TRDN: variants seen among roughly 807,000 people sequenced by gnomAD.
TRDN encodes triadin.
In TRDN, 161 loss-of-function variants were observed where a neutral mutation model predicts 149.7. That is an observed-to-expected ratio of 1.08 (90% confidence interval 0.95 to 1.23). The LOEUF (loss-of-function observed/expected upper bound fraction) is 1.23, where lower values mean the gene tolerates loss of function less well. TRDN is among the 50% of genes most tolerant of loss of function. The pLI, the probability that TRDN is intolerant of heterozygous loss-of-function variation, is 0.00. For missense variants in TRDN, 896 were observed against 823.5 expected (o/e 1.09, Z -1.08); for synonymous variants, 294 against 250.5 (o/e 1.17, Z -1.64).
chr6:123,545,376 A>G (rs1781060834), intron 4 of TRDN, among the ~76,000 whole-genome samples: 1 of 151,932 alleles, frequency 6.6e-6, no homozygotes, highest in South Asian at 2.1e-4. Flanking sequence ...GTTTTATAAA[A>G]TATTACCTAC....
At chr6:123,584,020 G>A (rs4535562) in intron 1 of TRDN, 3,534 of 160,632 alleles carry the variant, frequency 0.022, 127 homozygotes, top group African/African-American at 0.076. Flanking sequence ...GGTGTGTGGC[G>A]ATTAGGCCTA....
chr6:123,478,591 A>G lies in TRDN; in HGVS notation c.854-13608T>C, dbSNP rs1004462990. Among the ~76,000 whole-genome samples, 3 of 152,330 alleles carry G rather than the reference A, an allele frequency of 2.0e-5. No individual in the cohort carries two copies. The East Asian group carries it at 5.8e-4, about 29-fold the overall frequency. On this transcript the variant is annotated intron_variant, in intron 9 of 40. Coordinates refer to ENST00000334268, the MANE Select transcript of TRDN (RefSeq NM_006073.4). ...ATACGAATTGCGTTTTTATTTTAGT[A>G]CAAAGACCAAAGCTGATAGGGAAAG...
At chr6:123,597,879 G>C (rs776461022) in intron 1 of TRDN, among the ~76,000 whole-genome samples, 27 of 152,076 alleles carry the variant, frequency 1.8e-4, no homozygotes, top group Non-Finnish European at 3.8e-4. Context: ...AGTGTGATTT[G>C]TTTTAATGAG....
At chr6:123,249,179 A>G (rs1191957668) in intron 38 of TRDN, among the ~76,000 whole-genome samples, 1 of 152,136 alleles carries the variant, frequency 6.6e-6, no homozygotes, top group Non-Finnish European at 1.5e-5. Flanking sequence ...GCCAACAAAC[A>G]TATGAAAACA....
intron 24 of TRDN, among the ~76,000 whole-genome samples, chr6:123,286,358 G>A (rs566206457): frequency 2.0e-4 from 30 of 152,122 alleles, no homozygotes; most frequent in Non-Finnish European, 3.8e-4. Flanking sequence ...AAAAAGGAAC[G>A]AATTAATGAC....
At chr6:123,619,745 T>A (rs1227598633) in intron 1 of TRDN, among the ~76,000 whole-genome samples, 2 of 150,334 alleles carry the variant, frequency 1.3e-5, no homozygotes, top group Admixed American at 1.3e-4. Context: ...ATAACAGGAG[T>A]TTAAATTAGA....
chr6:123,393,889 A>T (rs1772610601), intron 12 of TRDN, among the ~76,000 whole-genome samples: 1 of 152,186 alleles, frequency 6.6e-6, no homozygotes, highest in African/African-American at 2.4e-5. Flanking sequence ...AAATCATAAG[A>T]TAAAGATTCC....
At chr6:123,389,896 C>T (rs1027598047) in intron 13 of TRDN, among the ~76,000 whole-genome samples, 1 of 151,974 alleles carries the variant, frequency 6.6e-6, no homozygotes, top group Non-Finnish European at 1.5e-5. Flanking sequence ...ATGGACATGG[C>T]CTGATGAATT....
intron 20 of TRDN, among the ~76,000 whole-genome samples, chr6:123,357,788 G>C (rs1407653489): frequency 6.6e-6 from 1 of 152,134 alleles, no homozygotes; most frequent in East Asian, 1.9e-4. Flanking sequence ...CAACTGAAGT[G>C]TGACTTACAT....
In TRDN at chr6:123,251,472, C is replaced by T. The variant is rs76270228; in HGVS notation, c.1975+940G>A. Among the ~76,000 whole-genome samples, 487 of 151,894 alleles carry T rather than the reference C, an allele frequency of 3.2e-3. 19 individuals are homozygous for T. The East Asian group carries it at 0.08, about 25-fold the overall frequency. ...CTATATTGATTATATATTGAAATAA[C>T]ATTTGTATAAAATAAGTTACATAAA... On this transcript the variant is annotated intron_variant, in intron 38 of 40. Coordinates refer to ENST00000334268, the MANE Select transcript of TRDN (RefSeq NM_006073.4).
At chr6:123,424,874 T>C (rs1161859826) in intron 12 of TRDN, among the ~76,000 whole-genome samples, 2 of 152,142 alleles carry the variant, frequency 1.3e-5, no homozygotes, top group East Asian at 1.9e-4. Context: ...CCTGGGTGCC[T>C]AAGTGGCTAT....
chr6:123,354,777 A>G (rs1780595723), intron 20 of TRDN, among the ~76,000 whole-genome samples: 1 of 151,784 alleles, frequency 6.6e-6, no homozygotes, highest in Admixed American at 6.6e-5. Flanking sequence ...ATTTGAAGAG[A>G]TAATAGCTAG....
At chr6:123,392,686 T>C (rs924229017) in intron 13 of TRDN, among the ~76,000 whole-genome samples, 2 of 152,072 alleles carry the variant, frequency 1.3e-5, no homozygotes, top group African/African-American at 4.8e-5. Context: ...CATTCTAGCT[T>C]ATTTTGCTCA....
chr6:123,503,436 A>T (rs1019805504), intron 8 of TRDN: 1 of 985,328 alleles, frequency 1.0e-6, no homozygotes, highest in Admixed American at 6.2e-5. Context: ...TCAAAAATTC[A>T]ACATTTATCC....
intron 21 of TRDN, among the ~76,000 whole-genome samples, chr6:123,347,730 T>C (rs1216307046): frequency 6.6e-6 from 1 of 151,986 alleles, no homozygotes. Context: ...GTCTTACAAG[T>C]GAGAATTGAA....
chr6:123,446,250 T>C (rs1432429844), intron 10 of TRDN, among the ~76,000 whole-genome samples: 1 of 126,648 alleles, frequency 7.9e-6, no homozygotes, highest in Non-Finnish European at 1.7e-5. Flanking sequence ...GTGGGGGGAG[T>C]GGGGAGGGAT....
intron 2 of TRDN, among the ~76,000 whole-genome samples, chr6:123,569,038 A>AT (rs921884150): frequency 2.0e-5 from 3 of 152,180 alleles, no homozygotes; most frequent in East Asian, 3.9e-4. Flanking sequence ...ACTTTAAGTC[A>AT]TTTTTTTGTT....
chr6:123,524,239 C>T (rs1039465859), intron 5 of TRDN, among the ~76,000 whole-genome samples: 1 of 152,126 alleles, frequency 6.6e-6, no homozygotes, highest in African/African-American at 2.4e-5. Flanking sequence ...CAGACATTTT[C>T]TGCAATAGAT....
At chr6:123,525,357 G>A (rs886806179) in intron 5 of TRDN, among the ~76,000 whole-genome samples, 1 of 152,068 alleles carries the variant, frequency 6.6e-6, no homozygotes, top group Non-Finnish European at 1.5e-5. Context: ...TATACACCAT[G>A]GAATACTATT....
Sources: allele counts gnomAD v4.1 joint callset (sites outside exome capture counted in the v4.1 genomes callset), GRCh38; gene constraint gnomAD v4.1.1; transcripts MANE v1.5; gene names NCBI Gene and HGNC (gene_info 2026-07-23, HGNC 2026-07-21).